The following SLC8A1 variants were observed in gnomAD, a reference collection of about 807,000 sequenced individuals.
The protein encoded by SLC8A1 is solute carrier family 8 member A1.
SLC8A1 carries 18 observed loss-of-function variants against 68.3 expected under a neutral mutation model. The observed-to-expected ratio is 0.26, with a 90% CI of 0.18 to 0.39. SLC8A1 has a LOEUF of 0.39. Among genes scored for constraint, SLC8A1 ranks in the 10% least tolerant of loss-of-function variants. The pLI is 1.00. For missense variants in SLC8A1, 985 were observed against 1,156.7 expected (o/e 0.85, Z 2.15); for synonymous variants, 475 against 415.5 (o/e 1.14, Z -1.74).
chr2:40,353,705 G>A (rs538130322), intron 2 of SLC8A1, among the ~76,000 whole-genome samples: 1 of 152,262 alleles, frequency 6.6e-6, no homozygotes, highest in East Asian at 1.9e-4. Flanking sequence ...ACCTGCCTTT[G>A]TACTCTTTCT....
intron 2 of SLC8A1, among the ~76,000 whole-genome samples, chr2:40,191,941 A>T (rs939890784): frequency 2.0e-5 from 3 of 152,176 alleles, no homozygotes; most frequent in Admixed American, 2.0e-4. Flanking sequence ...AGAATCATGT[A>T]GGTAGAGAGG....
intron 2 of SLC8A1, among the ~76,000 whole-genome samples, chr2:40,376,948 A>G (rs986021169): frequency 2.0e-5 from 3 of 152,106 alleles, no homozygotes; most frequent in African/African-American, 7.2e-5. Flanking sequence ...ATGAACCATG[A>G]CCAGGTATAT....
At chr2:40,380,006 G>C (rs2149545190) in intron 2 of SLC8A1, among the ~76,000 whole-genome samples, 1 of 152,164 alleles carries the variant, frequency 6.6e-6, no homozygotes, top group East Asian at 1.9e-4. Flanking sequence ...TATGTCACTT[G>C]ATACCACATG....
intron 7 of SLC8A1, among the ~76,000 whole-genome samples, chr2:40,132,653 AT>A (rs1183436466): frequency 6.6e-6 from 1 of 152,244 alleles, no homozygotes; most frequent in Admixed American, 6.5e-5. Context: ...TAAGCTATCA[AT>A]AGCTAACTGT....
intron 2 of SLC8A1, among the ~76,000 whole-genome samples, chr2:40,247,265 G>T (rs1451285376): frequency 6.6e-6 from 1 of 152,182 alleles, no homozygotes; most frequent in Non-Finnish European, 1.5e-5. Context: ...CATGGGTGCA[G>T]GCAGTGCTCA....
intron 2 of SLC8A1, among the ~76,000 whole-genome samples, chr2:40,205,803 GA>G (rs1396661468): frequency 1.0e-5 from 1 of 99,438 alleles, no homozygotes; most frequent in African/African-American, 3.2e-5. Context: ...CTTAGAAGTT[GA>G]AAAAATATCT....
intron 2 of SLC8A1, among the ~76,000 whole-genome samples, chr2:40,237,858 C>A (rs1463444498): frequency 3.9e-5 from 6 of 152,026 alleles, no homozygotes; most frequent in Non-Finnish European, 7.4e-5. Flanking sequence ...GTTGGAATAC[C>A]CTGCCATGGG....
intron 1 of SLC8A1, among the ~76,000 whole-genome samples, chr2:40,498,494 G>A (rs941664883): frequency 1.3e-5 from 2 of 152,058 alleles, no homozygotes; most frequent in Non-Finnish European, 2.9e-5. Flanking sequence ...AAGCTTTAGG[G>A]ATCTAAAACC....
At chr2:40,149,911 G>C (rs1163866297) in intron 6 of SLC8A1, among the ~76,000 whole-genome samples, 1 of 152,114 alleles carries the variant, frequency 6.6e-6, no homozygotes, top group Non-Finnish European at 1.5e-5. Context: ...TGGAGTATCT[G>C]ATGGTTAAGG....
intron 2 of SLC8A1, chr2:40,208,991 C>G (rs1178102084): frequency 1.3e-5 from 2 of 151,726 alleles, no homozygotes; most frequent in Non-Finnish European, 2.9e-5. Flanking sequence ...TTACAAATAC[C>G]AATTATATGC....
At chr2:40,449,276 A>C (rs1211610734) in intron 1 of SLC8A1, among the ~76,000 whole-genome samples, 2 of 151,978 alleles carry the variant, frequency 1.3e-5, no homozygotes, top group Admixed American at 6.6e-5. Flanking sequence ...GGCTTTTTAA[A>C]GGGGAATTGC....
intron 6 of SLC8A1, among the ~76,000 whole-genome samples, chr2:40,156,139 A>G (rs1488716915): frequency 1.3e-5 from 2 of 152,208 alleles, no homozygotes; most frequent in Non-Finnish European, 2.9e-5. Context: ...ATGCTTTTCC[A>G]TTGTCAAAAT....
chr2:40,419,896 C>G (rs867968269), intron 2 of SLC8A1, among the ~76,000 whole-genome samples: 1 of 152,236 alleles, frequency 6.6e-6, no homozygotes, highest in Middle Eastern at 3.4e-3. Flanking sequence ...ACATTGCTAT[C>G]AGGTTTACAC....
chr2:40,155,286 C>T lies in SLC8A1; in HGVS notation c.2161+5479G>A, dbSNP rs375794769. ...CTGGGACTACAGGCACCCGCCACCA[C>T]GCCTGGCTAATTTTTTGTATTTTAA... On this transcript the variant is annotated intron_variant, in intron 6 of 7. Transcript: ENST00000406785. Among the ~76,000 whole-genome samples, 335 of 152,176 alleles carry T rather than the reference C, an allele frequency of 2.2e-3. 2 individuals carry two copies. The highest frequency in any genetic ancestry group is 7.7e-3 in the Admixed American group (117 of 15,290).
intron 2 of SLC8A1, among the ~76,000 whole-genome samples, chr2:40,415,314 T>C (rs149812787): frequency 1.1e-3 from 169 of 152,084 alleles, no homozygotes; most frequent in African/African-American, 3.9e-3. Flanking sequence ...TTGGTAACGG[T>C]TTTGACTGCT....
chr2:40,378,266 C>T (rs907540434), intron 2 of SLC8A1, among the ~76,000 whole-genome samples: 1 of 152,100 alleles, frequency 6.6e-6, no homozygotes, highest in Non-Finnish European at 1.5e-5. Flanking sequence ...TCAGGAAGAT[C>T]TCTTGCAGAA....
intron 1 of SLC8A1, among the ~76,000 whole-genome samples, chr2:40,436,743 T>C (rs1423230718): frequency 6.6e-6 from 1 of 152,062 alleles, no homozygotes. Context: ...AATTTAAATA[T>C]TAATCTGCAT....
At chr2:40,275,138 T>C (rs1003271761) in intron 2 of SLC8A1, among the ~76,000 whole-genome samples, 1 of 152,226 alleles carries the variant, frequency 6.6e-6, no homozygotes, top group Non-Finnish European at 1.5e-5. Flanking sequence ...CATTTTATAA[T>C]TGAGTTGAAG....
At chr2:40,192,105 G>T (rs2148653579) in intron 2 of SLC8A1, among the ~76,000 whole-genome samples, 1 of 152,112 alleles carries the variant, frequency 6.6e-6, no homozygotes, top group Non-Finnish European at 1.5e-5. Context: ...TTATATAAGA[G>T]ATTTTTTTCA....
Sources: allele counts gnomAD v4.1 joint callset (sites outside exome capture counted in the v4.1 genomes callset), GRCh38; gene constraint gnomAD v4.1.1; transcripts MANE v1.5; gene names NCBI Gene and HGNC (gene_info 2026-07-23, HGNC 2026-07-21).